CCSER1: variants seen among roughly 807,000 people sequenced by gnomAD.
CCSER1 encodes coiled-coil serine rich protein 1.
Under a neutral mutation model 82.0 loss-of-function variants are expected in CCSER1, and 41 were observed. The ratio of observed to expected loss-of-function variants is 0.50; its 90% CI spans 0.39 to 0.65. CCSER1 has a LOEUF of 0.65. CCSER1 is among the 30% of genes least tolerant of loss of function. CCSER1 has a pLI of 0.00. For synonymous variants in CCSER1, 414 were observed against 383.9 expected, an observed-to-expected ratio of 1.08 and a Z score of -0.92; for missense variants, 1,119 against 1,064.2, an observed-to-expected ratio of 1.05 and a Z score of -0.72.
chr4:91,028,868 A>C (rs1740724412), intron 9 of CCSER1, among the ~76,000 whole-genome samples: 1 of 152,064 alleles, frequency 6.6e-6, no homozygotes, highest in Non-Finnish European at 1.5e-5. Flanking sequence ...CAGAAACATA[A>C]TTTAGAAGCT....
At chr4:90,995,221 T>G (rs1737390889) in intron 9 of CCSER1, among the ~76,000 whole-genome samples, 2 of 152,188 alleles carry the variant, frequency 1.3e-5, no homozygotes, top group Non-Finnish European at 1.5e-5. Context: ...GCATTGAACA[T>G]TCTGGATGCC....
chr4:90,689,847 A>G (rs1416431911), intron 6 of CCSER1, among the ~76,000 whole-genome samples: 1 of 152,074 alleles, frequency 6.6e-6, no homozygotes, highest in Non-Finnish European at 1.5e-5. Flanking sequence ...TAGACAAAGA[A>G]GTAAGGCTTT....
intron 4 of CCSER1, among the ~76,000 whole-genome samples, chr4:90,437,121 G>A (rs1219045422): frequency 6.6e-6 from 1 of 152,032 alleles, no homozygotes; most frequent in Non-Finnish European, 1.5e-5. Flanking sequence ...GCCCCCGGAC[G>A]AGAATATTAT....
intron 10 of CCSER1, among the ~76,000 whole-genome samples, chr4:91,250,691 T>C (rs1740182829): frequency 6.6e-6 from 1 of 151,528 alleles, no homozygotes; most frequent in Non-Finnish European, 1.5e-5. Context: ...GTAGTTCTGT[T>C]CTCAGAGTAT....
intron 1 of CCSER1, among the ~76,000 whole-genome samples, chr4:90,169,093 T>C (rs1731124574): frequency 6.6e-6 from 1 of 152,120 alleles, no homozygotes; most frequent in Non-Finnish European, 1.5e-5. Context: ...CGATATTGAT[T>C]CTTCCTACCC....
At chr4:90,915,336 C>T (rs1727172800) in intron 8 of CCSER1, among the ~76,000 whole-genome samples, 2 of 152,176 alleles carry the variant, frequency 1.3e-5, no homozygotes, top group South Asian at 2.1e-4. Context: ...TAGGCTTCAT[C>T]CCTGGGATGT....
intron 10 of CCSER1, among the ~76,000 whole-genome samples, chr4:91,154,385 C>T (rs1730586361): frequency 6.6e-6 from 1 of 152,012 alleles, no homozygotes; most frequent in Non-Finnish European, 1.5e-5. Context: ...GTGGGAGTGA[C>T]CTGAATTTCC....
chr4:91,288,868 G>A (rs1029843710), intron 10 of CCSER1, among the ~76,000 whole-genome samples: 21 of 152,020 alleles, frequency 1.4e-4, no homozygotes, highest in Non-Finnish European at 4.4e-5. Context: ...GGCCACATCA[G>A]TGACAGCCAG....
intron 1 of CCSER1, among the ~76,000 whole-genome samples, chr4:90,287,068 AG>A (rs1730036509): frequency 6.6e-6 from 1 of 151,926 alleles, no homozygotes; most frequent in African/African-American, 2.4e-5. Flanking sequence ...ATGAGTTTTT[AG>A]GTTTTATGAC....
chr4:90,838,890 G>A (rs1479022379), intron 8 of CCSER1: 1 of 1,612,912 alleles, frequency 6.2e-7, no homozygotes, highest in Non-Finnish European at 8.5e-7. Context: ...GCATATTGGC[G>A]GCGCACGCCT....
intron 10 of CCSER1, among the ~76,000 whole-genome samples, chr4:91,330,531 C>G (rs916283694): frequency 6.6e-6 from 1 of 152,084 alleles, no homozygotes; most frequent in Admixed American, 6.6e-5. Flanking sequence ...AACCCTTTAG[C>G]TGAGCTAAGT....
intron 1 of CCSER1, among the ~76,000 whole-genome samples, chr4:90,274,721 C>A (rs1460221676): frequency 6.6e-6 from 1 of 151,582 alleles, no homozygotes; most frequent in African/African-American, 2.4e-5. Flanking sequence ...CATCTTGGTC[C>A]CAGAATATCA....
intron 1 of CCSER1, among the ~76,000 whole-genome samples, chr4:90,282,344 C>T (rs897273497): frequency 2.0e-5 from 3 of 151,562 alleles, no homozygotes; most frequent in South Asian, 2.1e-4. Context: ...CACTGTTTGG[C>T]GTATCCATAT....
intron 3 of CCSER1, among the ~76,000 whole-genome samples, chr4:90,346,453 G>A (rs1288509939): frequency 1.3e-5 from 2 of 151,908 alleles, no homozygotes; most frequent in Non-Finnish European, 2.9e-5. Context: ...GATTGTCAGT[G>A]AAAGCTTAGA....
intron 10 of CCSER1, among the ~76,000 whole-genome samples, chr4:91,373,572 C>T (rs1483601845): frequency 5.3e-5 from 8 of 152,152 alleles, no homozygotes; most frequent in East Asian, 1.9e-4. Flanking sequence ...GACTGCTCCA[C>T]GGACTTGCCT....
chr4:91,439,716 C>A (rs1296196774), intron 10 of CCSER1, among the ~76,000 whole-genome samples: 5 of 151,838 alleles, frequency 3.3e-5, no homozygotes, highest in Non-Finnish European at 7.4e-5. Flanking sequence ...ATTCAGGAAA[C>A]CCATCTCACG....
chr4:90,385,020 G>A (rs1749794936), intron 3 of CCSER1, among the ~76,000 whole-genome samples: 1 of 152,124 alleles, frequency 6.6e-6, no homozygotes, highest in South Asian at 2.1e-4. Context: ...TCACAAGATA[G>A]TGGCCTCCAT....
chr4:90,366,761 G>A (rs1207060019), intron 3 of CCSER1, among the ~76,000 whole-genome samples: 1 of 151,772 alleles, frequency 6.6e-6, no homozygotes, highest in East Asian at 1.9e-4. Context: ...CACAGTTCAG[G>A]AGATTTCATT....
chr4:90,409,293 A>C (rs373204206), intron 4 of CCSER1, among the ~76,000 whole-genome samples: 1,553 of 152,238 alleles, frequency 0.01, 17 homozygotes, highest in South Asian at 0.029. Flanking sequence ...CACAAAGATA[A>C]TCCTCGAGAA....
Sources: allele counts gnomAD v4.1 joint callset (sites outside exome capture counted in the v4.1 genomes callset), GRCh38; gene constraint gnomAD v4.1.1; transcripts MANE v1.5; gene names NCBI Gene and HGNC (gene_info 2026-07-23, HGNC 2026-07-21).